The following DCAF8L2 variants were observed in gnomAD, a reference collection of about 807,000 sequenced individuals.
DCAF8L2 encodes DDB1- and CUL4-associated factor 8-like protein 2.
For missense variants in DCAF8L2, 430 were observed against 490.7 expected (o/e 0.88, Z 1.17); for synonymous variants, 200 against 190.9 (o/e 1.05, Z -0.39).
At chrX:27,495,978 A>G in the DCAF8L2 span, among the ~76,000 whole-genome samples, 17 of 111,467 alleles carry the variant, frequency 1.5e-4, no homozygotes, top group Non-Finnish European at 3.2e-4. Flanking sequence ...TCTGAAAATG[A>G]TGACCTTGAA....
rs995553114 is a variant in DCAF8L2, at chrX:27,625,777, A to G, written c.-341-6102A>G. Among the ~76,000 whole-genome samples, 4 of 111,636 alleles carry G rather than the reference A, an allele frequency of 3.6e-5. No individual in the cohort carries two copies. The East Asian group carries it at 8.5e-4, about 24-fold the overall frequency. On this transcript the variant is annotated intron_variant, in intron 1 of 4. Transcript: ENST00000451261. ...CCAGGAACAGAAAACCAAATACCAC[A>G]TGTTCGTACTTTCAAGTGGGAGCCA...
chrX:27,560,661 C>A, the DCAF8L2 span, among the ~76,000 whole-genome samples: 8 of 112,329 alleles, frequency 7.1e-5, no homozygotes, highest in African/African-American at 2.3e-4. Context: ...TGTTCACAGG[C>A]TCTAATTCAC....
intron 3 of DCAF8L2, among the ~76,000 whole-genome samples, chrX:27,698,831 C>T (rs1233651446): frequency 8.9e-6 from 1 of 111,991 alleles, no homozygotes; most frequent in African/African-American, 3.2e-5. Flanking sequence ...CTAACACTTT[C>T]TGAGAACCTG....
chrX:27,692,083 G>A (rs1464093919), intron 3 of DCAF8L2, among the ~76,000 whole-genome samples: 1 of 111,568 alleles, frequency 9.0e-6, no homozygotes, highest in Non-Finnish European at 1.9e-5. Flanking sequence ...ATTATTCTGG[G>A]TGGAAAGAGG....
At chrX:27,522,033 T>C in the DCAF8L2 span, among the ~76,000 whole-genome samples, 21 of 112,311 alleles carry the variant, frequency 1.9e-4, no homozygotes, top group East Asian at 4.5e-3. Flanking sequence ...TGGAACTCAG[T>C]GTGTATTTTT....
chrX:27,509,565 C>T, the DCAF8L2 span, among the ~76,000 whole-genome samples: 2 of 111,911 alleles, frequency 1.8e-5, no homozygotes, highest in Non-Finnish European at 3.8e-5. Flanking sequence ...GTCTAATGAA[C>T]ATTGCATTTT....
chrX:27,539,112 G>T, the DCAF8L2 span, among the ~76,000 whole-genome samples: 1 of 111,852 alleles, frequency 8.9e-6, no homozygotes, highest in South Asian at 3.7e-4. Flanking sequence ...GCCTCCCAAA[G>T]TACTAGGATT....
At chrX:27,533,862 G>T in the DCAF8L2 span, among the ~76,000 whole-genome samples, 2 of 112,098 alleles carry the variant, frequency 1.8e-5, no homozygotes, top group African/African-American at 6.5e-5. Flanking sequence ...GGATGTTAAG[G>T]AACAATTGGC....
intron 3 of DCAF8L2, among the ~76,000 whole-genome samples, chrX:27,691,440 C>A (rs1930709691): frequency 9.0e-6 from 1 of 111,172 alleles, no homozygotes; most frequent in Non-Finnish European, 1.9e-5. Flanking sequence ...CCACCTAAAT[C>A]ATTTTATATG....
At chrX:27,692,406 C>A (rs1428928617) in intron 3 of DCAF8L2, among the ~76,000 whole-genome samples, 1 of 111,764 alleles carries the variant, frequency 8.9e-6, no homozygotes, top group Non-Finnish European at 1.9e-5. Context: ...TTTGGTGTCC[C>A]AATGGGTTTT....
chrX:27,520,759 A>G, the DCAF8L2 span, among the ~76,000 whole-genome samples: 1 of 112,198 alleles, frequency 8.9e-6, no homozygotes, highest in Non-Finnish European at 1.9e-5. Flanking sequence ...TTGTGTCAAT[A>G]GCTGAATAAT....
chrX:27,627,799 C>A (rs1172559010), intron 1 of DCAF8L2, among the ~76,000 whole-genome samples: 1 of 109,027 alleles, frequency 9.2e-6, no homozygotes, highest in African/African-American at 3.4e-5. Context: ...GAGGCTGAGG[C>A]AGGAGAATCA....
At chrX:27,627,493 T>C (rs1928066026) in intron 1 of DCAF8L2, 1 of 109,805 alleles carries the variant, frequency 9.1e-6, no homozygotes, top group Non-Finnish European at 1.9e-5. Context: ...CAAAGTTTTG[T>C]TGCATCCCTT....
At chrX:27,567,725 G>T in the DCAF8L2 span, among the ~76,000 whole-genome samples, 6 of 107,341 alleles carry the variant, frequency 5.6e-5, no homozygotes, top group African/African-American at 2.0e-4. Context: ...GAAAGGGTTG[G>T]CTTTATAGAC....
chrX:27,567,153 G>A, the DCAF8L2 span, among the ~76,000 whole-genome samples: 3 of 110,828 alleles, frequency 2.7e-5, no homozygotes, highest in Admixed American at 2.9e-4. Flanking sequence ...GACCTAACAG[G>A]TTCTTGGAGA....
intron 4 of DCAF8L2, among the ~76,000 whole-genome samples, chrX:27,738,380 A>C (rs10126615): frequency 0.067 from 7,496 of 111,556 alleles, 328 homozygotes; most frequent in African/African-American, 0.17. Flanking sequence ...TGATCAGAGC[A>C]AACTTTGACT....
intron 2 of DCAF8L2, among the ~76,000 whole-genome samples, chrX:27,637,593 C>T (rs1031294692): frequency 8.9e-6 from 1 of 112,310 alleles, no homozygotes; most frequent in Non-Finnish European, 1.9e-5. Context: ...ATGAACATGG[C>T]AGCTTCTTCA....
chrX:27,526,975 GACC>G, the DCAF8L2 span, among the ~76,000 whole-genome samples: 1 of 112,476 alleles, frequency 8.9e-6, no homozygotes, highest in South Asian at 3.7e-4. Flanking sequence ...AGGGGTCTGG[GACC>G]CACTTGAGGA....
intron 1 of DCAF8L2, among the ~76,000 whole-genome samples, chrX:27,620,452 G>T (rs1233310761): frequency 5.4e-5 from 6 of 111,783 alleles, no homozygotes; most frequent in African/African-American, 1.9e-4. Context: ...AAGAATGGGA[G>T]AAAATATTTT....
Sources: gnomAD v4.1 joint callset for allele counts (sites outside exome capture counted in the v4.1 genomes callset) on GRCh38, gnomAD v4.1.1 for gene constraint, MANE v1.5 for transcripts, NCBI Gene and HGNC (gene_info 2026-07-23, HGNC 2026-07-21) for gene names.